Variants in CFAP99 observed in about 807,000 individuals in gnomAD.
CFAP99 encodes the protein cilia- and flagella-associated protein 99.
Under a neutral mutation model 82.7 loss-of-function variants are expected in CFAP99, and 84 were observed. That is an observed-to-expected ratio of 1.02 (90% CI 0.85 to 1.22). CFAP99 has a LOEUF of 1.22. CFAP99 is among the 50% of genes most tolerant of loss of function. The pLI is 0.00. For missense variants in CFAP99, 1,059 were observed against 983.5 expected (o/e 1.08, Z -1.03); for synonymous variants, 456 against 429.5 (o/e 1.06, Z -0.76).
chr4:2,452,234 C>T (rs1734320018), exon 11 of CFAP99: 1 of 1,536,108 alleles, frequency 6.5e-7, no homozygotes, highest in Non-Finnish European at 8.7e-7. Flanking sequence ...GAGCAGCTGG[C>T]TGCAAGCGAG....
chr4:2,429,861 G>A (rs1733764698), intron 2 of CFAP99, among the ~76,000 whole-genome samples: 1 of 152,200 alleles, frequency 6.6e-6, no homozygotes, highest in African/African-American at 2.4e-5. Flanking sequence ...AAGGTGCTGG[G>A]ATTACAGGCA....
intron 4 of CFAP99, among the ~76,000 whole-genome samples, chr4:2,440,215 C>G (rs1269394971): frequency 2.4e-4 from 32 of 133,844 alleles, no homozygotes; most frequent in Non-Finnish European, 3.8e-4. Flanking sequence ...GGCAGGATCT[C>G]GGCTCACTGC....
chr4:2,420,889 C>T (rs955817407), intron 1 of CFAP99, among the ~76,000 whole-genome samples: 13 of 152,176 alleles, frequency 8.5e-5, no homozygotes, highest in Non-Finnish European at 1.9e-4. Context: ...ATGCCTCTCT[C>T]GTTCAGGGAG....
chr4:2,461,438 G>C (rs1229261685), intron 14 of CFAP99, among the ~76,000 whole-genome samples: 1 of 152,210 alleles, frequency 6.6e-6, no homozygotes, highest in African/African-American at 2.4e-5. Flanking sequence ...TCCTTGGAGG[G>C]GCCGCTGCTC....
intron 11 of CFAP99, among the ~76,000 whole-genome samples, chr4:2,456,727 C>G (rs1322057017): frequency 6.6e-6 from 1 of 151,862 alleles, no homozygotes; most frequent in Non-Finnish European, 1.5e-5. Flanking sequence ...CCATGTTGGT[C>G]AGGCTGGTCT....
chr4:2,462,916 A>G lies in CFAP99; in HGVS notation c.2135A>G (p.Glu712Gly), dbSNP rs1162914674. 4.6e-6 allele frequency: 6 copies of G among 1,301,484 alleles called. No individual in the cohort carries two copies. Among genetic ancestry groups the G allele is most frequent in the Non-Finnish European group, 5.8e-6 (6 of 1,031,708 alleles). 80.6% of individuals were successfully genotyped at this position (1,301,484 alleles called of 1,614,324 possible). Residue 712 changes from glutamate to glycine, a missense_variant, in exon 15 of 15, where the codon GAG becomes GGG. Transcript: ENST00000635017. This position sits in a 1 kb window ranked among gnomAD's most constrained non-coding sequence, Gnocchi z 4.1. ...GGACCCGGGCCCGCGCGCCGCCTGG[A>G]GGCCGCCTGAGCCGGGCCGAGCGCG...
intron 8 of CFAP99, 128 bp from the exon 9 acceptor site, chr4:2,450,819 T>TG: frequency 1.4e-6 from 1 of 721,418 alleles, no homozygotes; most frequent in South Asian, 1.6e-5. Flanking sequence ...GATGGGCAGC[T>TG]GGGGGGAGGA....
intron 14 of CFAP99, among the ~76,000 whole-genome samples, chr4:2,461,124 C>A (rs1418533384): frequency 6.6e-6 from 1 of 152,190 alleles, no homozygotes; most frequent in Non-Finnish European, 1.5e-5. Flanking sequence ...TGCATGCACA[C>A]ACATACAGAT....
rs550841640 is a variant in CFAP99 at position 2,448,534 on chromosome 4, C to T, written c.643-1136C>T. On this transcript the variant is annotated intron_variant, in intron 6 of 14. Coordinates refer to ENST00000635017, the Ensembl canonical transcript of CFAP99. The surrounding 1 kb of genome is among the most constrained non-coding windows in gnomAD (Gnocchi z 5.2). The stretch of plus-strand genomic sequence containing the variant: ...ACAAAGGAGATAAGACGTGTTGGAG[C>T]GGTTGTGATTCTGGATTGTGTGGCC... Among the ~76,000 whole-genome samples, 4 of 152,316 alleles carry T rather than the reference C, an allele frequency of 2.6e-5. No homozygotes were observed. Among genetic ancestry groups the T allele is most frequent in the African/African-American group, 9.6e-5 (4 of 41,562 alleles).
Position 2,436,848 on chromosome 4 carries a change from CCCCCCA to C in CFAP99, c.112-23_112-18del. On this transcript the variant is annotated intron_variant, in intron 2 of 14. Coordinates refer to ENST00000635017, the Ensembl canonical transcript of CFAP99. Reference sequence around the variant, plus strand: ...CCCTTTCCTCCCGGCCCAGCCAGGGCCCCCCACCGGCTGTCTCTCTTCCAGGCTCTG... The same window carrying C: ...CCCTTTCCTCCCGGCCCAGCCAGGGCCCGGCTGTCTCTCTTCCAGGCTCTG... 6.5e-7 allele frequency: 1 copy of C among 1,533,774 alleles called. No homozygotes were observed. The highest frequency in any genetic ancestry group is 8.7e-7 in the Non-Finnish European group (1 of 1,145,422).
intron 11 of CFAP99, among the ~76,000 whole-genome samples, chr4:2,456,738 C>T (rs575769854): frequency 2.6e-5 from 4 of 151,820 alleles, no homozygotes; most frequent in East Asian, 3.9e-4. Flanking sequence ...AGGCTGGTCT[C>T]GAACTCCCGA....
intron 1 of CFAP99, among the ~76,000 whole-genome samples, chr4:2,419,830 A>G (rs901299955): frequency 6.6e-6 from 1 of 152,080 alleles, no homozygotes; most frequent in Middle Eastern, 3.2e-3. Flanking sequence ...CCTACCACCC[A>G]GTCGACCCTC....
chr4:2,429,847 T>A (rs1034687096), intron 2 of CFAP99, among the ~76,000 whole-genome samples: 1 of 152,204 alleles, frequency 6.6e-6, no homozygotes, highest in African/African-American at 2.4e-5. Context: ...CGCCTCGGCC[T>A]CCCAAGGTGC....
At chr4:2,452,042 A>T in intron 10 of CFAP99, 100 bp from the exon 11 acceptor site, 1 of 1,242,496 alleles carries the variant, frequency 8.0e-7, no homozygotes. Flanking sequence ...GTAGCAGCCC[A>T]CGCCTGCGCA....
intron 2 of CFAP99, among the ~76,000 whole-genome samples, chr4:2,431,002 T>G (rs561445739): frequency 1.4e-5 from 2 of 146,342 alleles, no homozygotes; most frequent in Non-Finnish European, 1.5e-5. Context: ...AGTCCAGGAG[T>G]TGAAGGCTAT....
exon 3 of CFAP99, chr4:2,437,018 G>T (rs772196867): frequency 6.5e-7 from 1 of 1,536,016 alleles, no homozygotes; most frequent in South Asian, 1.2e-5. Context: ...CCGCTTCGAG[G>T]GTAGGTGCCT....
exon 12 of CFAP99, chr4:2,458,746 T>C: frequency 2.6e-6 from 4 of 1,535,188 alleles, no homozygotes; most frequent in Non-Finnish European, 2.6e-6. Context: ...TGCTGCAGCG[T>C]GCAGAGAGAC....
At chr4:2,424,857 G>T (rs965726872) in intron 1 of CFAP99, among the ~76,000 whole-genome samples, 3 of 152,202 alleles carry the variant, frequency 2.0e-5, no homozygotes, top group Admixed American at 2.0e-4. Flanking sequence ...CTCATTCCCT[G>T]TGCTAAGCTG....
rs764699122 is a variant in CFAP99 at position 2,446,371 on chromosome 4, A to G, written c.642+1063A>G. 0.021 allele frequency among the ~76,000 whole-genome samples: 61 copies of G among 2,894 alleles called. 1 individual carries two copies. Among genetic ancestry groups the G allele is most frequent in the East Asian group, 0.081 (14 of 172 alleles). The allele number at this position is 2,894 out of a possible 152,430, so 1.9% of individuals were successfully genotyped here. A position where few individuals can be genotyped will look rare whatever the true frequency, so the allele number is the denominator to read the frequency against. On this transcript the variant is annotated intron_variant, in intron 6 of 14. Coordinates refer to ENST00000635017, the Ensembl canonical transcript of CFAP99. The surrounding 1 kb of genome is among the most constrained non-coding windows in gnomAD (Gnocchi z 5.0). ...TTTATTTCATTTTATTATTGTTGTT[A>G]TTATTATTATTATTATTATTATTAT... is the stretch of plus-strand genomic sequence containing the variant.
Sources: gnomAD v4.1 joint callset for allele counts (sites outside exome capture counted in the v4.1 genomes callset) on GRCh38, gnomAD v4.1.1 for gene constraint, Gnocchi (gnomAD v3.1) non-coding constraint, MANE v1.5 for transcripts, NCBI Gene and HGNC (gene_info 2026-07-23, HGNC 2026-07-21) for gene names.